The following L3MBTL4 variants were observed in gnomAD, a reference collection of about 807,000 sequenced individuals.
The protein encoded by L3MBTL4 is L3MBTL histone methyl-lysine binding protein 4.
A neutral mutation model predicts 84.5 loss-of-function variants in L3MBTL4; 70 were observed. The ratio of observed to expected loss-of-function variants is 0.83; its 90% CI spans 0.68 to 1.01. L3MBTL4 has a LOEUF of 1.01. Among genes scored for constraint, L3MBTL4 ranks in the 50% least tolerant of loss-of-function variants. L3MBTL4 has a pLI of 0.00. For synonymous variants in L3MBTL4, 274 were observed against 259.8 expected (o/e 1.05, Z -0.52); for missense variants, 715 against 754.8 (o/e 0.95, Z 0.62).
In L3MBTL4 at chr18:6,228,247, T is replaced by C. The variant is rs181624732; in HGVS notation, c.784+9717A>G. Among the ~76,000 whole-genome samples the C allele has an allele frequency of 2.0e-4, 31 of 152,294 alleles. No individual in the cohort carries two copies. In the East Asian group the frequency reaches 5.8e-3, roughly 28 times the overall value. On this transcript the variant is annotated intron_variant, in intron 10 of 18. Coordinates refer to ENST00000317931, the MANE Select transcript of L3MBTL4 (RefSeq NM_001330559.2). Reference sequence around the variant, plus strand: ...CAAACAAAAATCAAACCTTGGCCCCTACAGTGCACCATATATAAAAAGATC... The same window carrying C: ...CAAACAAAAATCAAACCTTGGCCCCCACAGTGCACCATATATAAAAAGATC...
intron 3 of L3MBTL4, among the ~76,000 whole-genome samples, chr18:6,310,180 G>A (rs981974194): frequency 6.6e-6 from 1 of 152,230 alleles, no homozygotes; most frequent in Non-Finnish European, 1.5e-5. Context: ...ATTCCTCAGA[G>A]GACACGACAC....
intron 12 of L3MBTL4, among the ~76,000 whole-genome samples, chr18:6,190,168 TACA>T (rs2045002677): frequency 6.6e-6 from 1 of 151,904 alleles, no homozygotes; most frequent in Non-Finnish European, 1.5e-5. Context: ...CATGAAAGAG[TACA>T]TACTGTATGA....
chr18:6,223,655 A>C (rs1175609294), intron 10 of L3MBTL4, among the ~76,000 whole-genome samples: 2 of 152,216 alleles, frequency 1.3e-5, no homozygotes, highest in East Asian at 3.8e-4. Context: ...AGAAGGCTGA[A>C]CTGCATTTCC....
chr18:6,231,794 AT>A (rs1360986534), intron 10 of L3MBTL4, among the ~76,000 whole-genome samples: 3 of 151,648 alleles, frequency 2.0e-5, no homozygotes, highest in African/African-American at 7.3e-5. Flanking sequence ...GTTCTACCAG[AT>A]TTTTTTATGT....
intron 1 of L3MBTL4, among the ~76,000 whole-genome samples, chr18:6,383,538 T>G (rs2054687067): frequency 6.6e-6 from 1 of 152,160 alleles, no homozygotes; most frequent in African/African-American, 2.4e-5. Flanking sequence ...GCTCAGTCCC[T>G]CATGGCTTCC....
chr18:6,318,494 T>TAAAAAAAAAAAAAAAA (rs71370550), intron 1 of L3MBTL4, among the ~76,000 whole-genome samples: 58 of 14,210 alleles, frequency 4.1e-3, no homozygotes, highest in Non-Finnish European at 4.9e-3. Flanking sequence ...ACAACAATAG[T>TAAAAAAAAAAAAAAAA]AAAAAAAAAA....
intron 5 of L3MBTL4, chr18:6,256,866 G>C (rs1379233236): frequency 1.3e-5 from 2 of 152,492 alleles, no homozygotes; most frequent in Non-Finnish European, 2.9e-5. Context: ...GACTGTGGTC[G>C]AACCAAGGCA....
intron 16 of L3MBTL4, among the ~76,000 whole-genome samples, chr18:6,007,335 T>A (rs981795674): frequency 2.9e-4 from 41 of 140,734 alleles, no homozygotes; most frequent in African/African-American, 9.7e-4. Flanking sequence ...ATGAAAAAAA[T>A]GCTCATAATA....
intron 16 of L3MBTL4, among the ~76,000 whole-genome samples, chr18:5,973,418 CT>C (rs1234367318): frequency 6.6e-6 from 1 of 152,180 alleles, no homozygotes; most frequent in Non-Finnish European, 1.5e-5. Flanking sequence ...TGTTGACAGG[CT>C]TTTAAAAGTT....
At chr18:6,399,446 A>G (rs2055421638) in intron 1 of L3MBTL4, among the ~76,000 whole-genome samples, 1 of 151,584 alleles carries the variant, frequency 6.6e-6, no homozygotes, top group Admixed American at 6.6e-5. Flanking sequence ...AAAAAAAAGA[A>G]AAAAAGAAAA....
At chr18:6,078,882 G>A (rs2057967829) in intron 16 of L3MBTL4, among the ~76,000 whole-genome samples, 1 of 152,164 alleles carries the variant, frequency 6.6e-6, no homozygotes, top group African/African-American at 2.4e-5. Context: ...CCCATCTGGG[G>A]GTGATGGGAG....
At chr18:6,235,351 C>T (rs181493716) in intron 10 of L3MBTL4, among the ~76,000 whole-genome samples, 62 of 152,054 alleles carry the variant, frequency 4.1e-4, no homozygotes, top group Admixed American at 1.3e-3. Flanking sequence ...GAAATAAAGA[C>T]GTATGTCCAC....
intron 4 of L3MBTL4, among the ~76,000 whole-genome samples, chr18:6,279,860 C>T (rs188133810): frequency 6.6e-5 from 10 of 152,190 alleles, no homozygotes; most frequent in Admixed American, 2.6e-4. Context: ...CTAGAGCCAC[C>T]GAATGTAATA....
At chr18:5,968,997 G>A (rs985821067) in intron 17 of L3MBTL4, among the ~76,000 whole-genome samples, 2 of 152,134 alleles carry the variant, frequency 1.3e-5, no homozygotes, top group African/African-American at 2.4e-5. Flanking sequence ...GTCCTGGGCT[G>A]GGCACCTTTC....
chr18:6,147,409 T>G (rs969202723), intron 13 of L3MBTL4, among the ~76,000 whole-genome samples: 2 of 152,132 alleles, frequency 1.3e-5, no homozygotes, highest in African/African-American at 2.4e-5. Context: ...AACACCATGT[T>G]TGCTTGTACC....
intron 1 of L3MBTL4, among the ~76,000 whole-genome samples, chr18:6,350,150 ACTC>A (rs2053112535): frequency 6.6e-6 from 1 of 152,098 alleles, no homozygotes; most frequent in East Asian, 1.9e-4. Context: ...AAACTATAAA[ACTC>A]CTAGAAGAAA....
intron 1 of L3MBTL4, among the ~76,000 whole-genome samples, chr18:6,323,457 G>A (rs1211677294): frequency 6.6e-6 from 1 of 152,218 alleles, no homozygotes; most frequent in Non-Finnish European, 1.5e-5. Context: ...AGTACAAGCT[G>A]AGGAGATCTC....
chr18:5,974,344 G>A (rs944142434), intron 16 of L3MBTL4, among the ~76,000 whole-genome samples: 5 of 152,156 alleles, frequency 3.3e-5, no homozygotes, highest in African/African-American at 1.2e-4. Context: ...TGGAAGACTT[G>A]GCCATGGATC....
chr18:6,328,802 G>A (rs2051861793), intron 1 of L3MBTL4, among the ~76,000 whole-genome samples: 1 of 152,208 alleles, frequency 6.6e-6, no homozygotes. Context: ...ACAAGTTCTA[G>A]CTCTGACTCT....
Sources: allele counts gnomAD v4.1 joint callset (sites outside exome capture counted in the v4.1 genomes callset), GRCh38; gene constraint gnomAD v4.1.1; transcripts MANE v1.5; gene names NCBI Gene and HGNC (gene_info 2026-07-23, HGNC 2026-07-21).